Variants in FMO2 observed in about 807,000 individuals in gnomAD.
The protein encoded by FMO2 is flavin-containing monooxygenase 2.
A neutral mutation model predicts 41.6 loss-of-function variants in FMO2; 33 were observed. The ratio of observed to expected loss-of-function variants is 0.79; its 90% confidence interval spans 0.60 to 1.06. FMO2 has a LOEUF of 1.06. Ranked by LOEUF, FMO2 falls within the 50% of genes least tolerant of loss-of-function variation. FMO2 has a pLI of 0.00. For synonymous variants in FMO2, 214 were observed against 219.6 expected (o/e 0.97, Z 0.23); for missense variants, 619 against 632.9 (o/e 0.98, Z 0.23).
At chr1:171,192,739 C>T (rs1354093147) in intron 2 of FMO2, among the ~76,000 whole-genome samples, 1 of 142,088 alleles carries the variant, frequency 7.0e-6, no homozygotes, top group Admixed American at 7.4e-5. Flanking sequence ...GCACTTCAGC[C>T]TGGGTGACAG....
At chr1:171,198,999 C>G (rs1304051846) in intron 4 of FMO2, among the ~76,000 whole-genome samples, 1 of 152,086 alleles carries the variant, frequency 6.6e-6, no homozygotes, top group Non-Finnish European at 1.5e-5. Context: ...ACTTCCCAAG[C>G]TCAAGCAATC....
At chr1:171,196,493 T>C (rs1303571554) in intron 3 of FMO2, among the ~76,000 whole-genome samples, 156 bp from the exon 4 acceptor site, 2 of 152,220 alleles carry the variant, frequency 1.3e-5, no homozygotes, top group Non-Finnish European at 2.9e-5. Context: ...TGCTTTTCTT[T>C]TCTCTCTCAA....
In FMO2 at chr1:171,205,471, T is replaced by C; in HGVS notation, c.1020T>C (p.Asp340=). The change falls in exon 7 of 9, where the codon GAT becomes GAC. Residue 340 remains aspartate, a synonymous_variant. Transcript: ENST00000209929. ...GTTTCTCTTTTCCCTTCCTTGAAGA[T>C]TCACTCGTTAAAGTAGAGAATAATA... ...GYSFSFPFLE[D]SLVKVENNMV... 6.2e-7 allele frequency: 1 copy of C among 1,613,912 alleles called. No homozygotes were observed. The highest frequency in any genetic ancestry group is 8.5e-7 in the Non-Finnish European group (1 of 1,179,874).
Position 171,209,103 on chromosome 1 carries a change from T to G in FMO2, c.1566T>G (p.Leu522=). 1.2e-6 allele frequency: 1 copy of G among 837,802 alleles called. No homozygotes were observed. The highest frequency in any genetic ancestry group is 1.8e-6 in the Non-Finnish European group (1 of 544,318). 51.9% of individuals were successfully genotyped at this position (837,802 alleles called of 1,614,324 possible). ...VSFLLKILGL[L]AVVVAFFCQL... ...TTCTGTTGAAAATCCTGGGCCTTCTTGCTGTTGTTGTGGCCTTTTTTTGCC... is the reference window on the plus strand; with the variant it reads ...TTCTGTTGAAAATCCTGGGCCTTCTGGCTGTTGTTGTGGCCTTTTTTTGCC... Residue 522 remains leucine, a synonymous_variant, in exon 9 of 9, where the codon CTT becomes CTG. Transcript: ENST00000209929.
chr1:171,191,093 C>T (rs574485618), intron 2 of FMO2, among the ~76,000 whole-genome samples: 42 of 151,644 alleles, frequency 2.8e-4, no homozygotes, highest in Non-Finnish European at 3.8e-4. Context: ...TGCAGTGAGC[C>T]GAGATCATGA....
rs766921879 is a variant in FMO2, at chr1:171,193,537, G to T, written c.321+14G>T. ...ATTCAGTTCCAGGTATTGTATTTTT[G>T]GGGAAATGGGTTTCTCTGCATTAGT... On this transcript the variant is annotated intron_variant, in intron 3 of 8. Transcript: ENST00000209929. 6.5e-7 allele frequency: 1 copy of T among 1,541,402 alleles called. No homozygotes were observed. The highest frequency in any genetic ancestry group is 1.7e-5 in the Admixed American group (1 of 58,042).
At chr1:171,200,147 T>C (rs1658473575) in intron 5 of FMO2, among the ~76,000 whole-genome samples, 1 of 152,142 alleles carries the variant, frequency 6.6e-6, no homozygotes, top group Non-Finnish European at 1.5e-5. Context: ...TACCCAAATA[T>C]TATGAAAAGA....
intron 3 of FMO2, among the ~76,000 whole-genome samples, chr1:171,194,867 C>A (rs1318914491): frequency 6.6e-6 from 1 of 152,148 alleles, no homozygotes; most frequent in Non-Finnish European, 1.5e-5. Flanking sequence ...TATCAACTTA[C>A]AATAGTAAAT....
intron 4 of FMO2, among the ~76,000 whole-genome samples, chr1:171,197,972 G>T (rs1055183504): frequency 1.3e-5 from 2 of 152,084 alleles, no homozygotes; most frequent in African/African-American, 4.8e-5. Context: ...TAAAATATTC[G>T]GTTTCAGATA....
At chr1:171,201,553 A>C (rs28369883) in intron 5 of FMO2, among the ~76,000 whole-genome samples, 13,077 of 152,188 alleles carry the variant, frequency 0.086, 907 homozygotes, top group African/African-American at 0.2. Flanking sequence ...CAAAATTCTG[A>C]GTGTGCACTG....
At chr1:171,191,199 T>C (rs1208518238) in intron 2 of FMO2, among the ~76,000 whole-genome samples, 1 of 152,082 alleles carries the variant, frequency 6.6e-6, no homozygotes, top group Non-Finnish European at 1.5e-5. Flanking sequence ...GAGGTCATTA[T>C]TGTTTGCTGA....
chr1:171,193,892 G>A (rs1658196267), intron 3 of FMO2, among the ~76,000 whole-genome samples: 1 of 151,596 alleles, frequency 6.6e-6, no homozygotes, highest in East Asian at 1.9e-4. Flanking sequence ...TGATTCTCCT[G>A]CCTCGGCCTC....
intron 8 of FMO2, among the ~76,000 whole-genome samples, chr1:171,208,281 A>T (rs1168399754): frequency 6.6e-6 from 1 of 152,136 alleles, no homozygotes; most frequent in Non-Finnish European, 1.5e-5. Context: ...GTGATCGAGT[A>T]CCCTTGGAAA....
intron 7 of FMO2, 28 bp from the exon 8 acceptor site, chr1:171,207,690 C>G: frequency 6.8e-7 from 1 of 1,459,910 alleles, no homozygotes; most frequent in Non-Finnish European, 9.5e-7. Context: ...CTCAAACTTA[C>G]TATTCAAACC....
At chr1:171,188,570 G>C (rs1657948810) in intron 2 of FMO2, among the ~76,000 whole-genome samples, 1 of 152,138 alleles carries the variant, frequency 6.6e-6, no homozygotes, top group African/African-American at 2.4e-5. Flanking sequence ...CCTGCACTAC[G>C]GCTATGTGAG....
intron 1 of FMO2, 121 bp from the exon 2 acceptor site, chr1:171,185,587 T>G (rs770072774): frequency 1.3e-4 from 125 of 935,260 alleles, no homozygotes; most frequent in Non-Finnish European, 2.0e-4. Context: ...CTTTATTCAA[T>G]AGTGCTGCTT....
In FMO2 at chr1:171,208,796, T is replaced by C; in HGVS notation, c.1259T>C (p.Phe420Ser). Residue 420 changes from phenylalanine (F) to serine (S), a missense_variant and splice_region_variant, in exon 9 of 9, where the codon TTT (phenylalanine) becomes TCT (serine). Physicochemically the swap from Phe to Ser is radical, Grantham distance 155 (BLOSUM62 -2). Coordinates refer to ENST00000209929, the MANE Select transcript of FMO2 (RefSeq NM_001460.5). The part of the protein sequence containing the change: ...IKRNEKRIDL[F>S]GESQSQTLQT... ...CCCTTTTTACTTTCTTCACTAAGGT[T>C]TGGAGAAAGCCAGAGCCAGACGTTG... 2 of 1,613,716 alleles carry C rather than the reference T, an allele frequency of 1.2e-6. No homozygotes were observed. Among genetic ancestry groups the C allele is most frequent in the Non-Finnish European group, 8.5e-7 (1 of 1,179,740 alleles).
intron 4 of FMO2, 29 bp from the exon 5 acceptor site, chr1:171,199,317 C>A: frequency 6.5e-7 from 1 of 1,535,532 alleles, no homozygotes; most frequent in South Asian, 1.3e-5. Context: ...CTCTGGAGCT[C>A]ACAGACTTCT....
intron 3 of FMO2, among the ~76,000 whole-genome samples, chr1:171,195,609 AC>A (rs1379122501): frequency 1.3e-5 from 2 of 152,212 alleles, no homozygotes; most frequent in African/African-American, 4.8e-5. Flanking sequence ...AAAATTACCA[AC>A]CCAGCAGTTG....
Sources: gnomAD v4.1 joint callset for allele counts (sites outside exome capture counted in the v4.1 genomes callset) on GRCh38, gnomAD v4.1.1 for gene constraint, MANE v1.5 for transcripts, NCBI Gene and HGNC (gene_info 2026-07-23, HGNC 2026-07-21) for gene names.